PHACTR3: variants seen among roughly 807,000 people sequenced by gnomAD.
PHACTR3 encodes protein phosphatase 1, regulatory subunit 123.
A neutral mutation model predicts 66.8 loss-of-function variants in PHACTR3; 16 were observed. The observed-to-expected ratio is 0.24, with a 90% CI of 0.16 to 0.36. The LOEUF (loss-of-function observed/expected upper bound fraction) is 0.36, where lower values mean the gene tolerates loss of function less well. Among genes scored for constraint, PHACTR3 ranks in the 10% least tolerant of loss-of-function variants. PHACTR3 has a pLI of 1.00. For missense variants in PHACTR3, 647 were observed against 719.9 expected (o/e 0.90, Z 1.16); for synonymous variants, 323 against 292.1 (o/e 1.11, Z -1.08).
chr20:59,772,455 G>T (rs1019740699), intron 5 of PHACTR3, among the ~76,000 whole-genome samples: 1 of 152,184 alleles, frequency 6.6e-6, no homozygotes, highest in African/African-American at 2.4e-5. Flanking sequence ...AAAGTGTCAG[G>T]GCAGGCTCAG....
intron 1 of PHACTR3, among the ~76,000 whole-genome samples, chr20:59,592,912 G>T (rs563999357): frequency 4.9e-4 from 75 of 152,148 alleles, no homozygotes; most frequent in African/African-American, 1.7e-3. Context: ...AGGACATCTT[G>T]GTTGCTTCCA....
At chr20:59,634,602 T>C (rs2034781843) in intron 1 of PHACTR3, among the ~76,000 whole-genome samples, 1 of 152,158 alleles carries the variant, frequency 6.6e-6, no homozygotes, top group Admixed American at 6.5e-5. Context: ...CCAGAAAAAT[T>C]TCCCGGTCTA....
At chr20:59,730,662 G>A (rs1334752129) in intron 1 of PHACTR3, among the ~76,000 whole-genome samples, 1 of 152,050 alleles carries the variant, frequency 6.6e-6, no homozygotes, top group African/African-American at 2.4e-5. Flanking sequence ...TTTCTTCTTG[G>A]GGCACCCAGT....
chr20:59,590,653 G>A (rs553815333), intron 1 of PHACTR3, among the ~76,000 whole-genome samples: 76 of 152,264 alleles, frequency 5.0e-4, no homozygotes, highest in African/African-American at 1.8e-3. Context: ...ACTGGTTCCT[G>A]TCTTAGACTT....
intron 1 of PHACTR3, among the ~76,000 whole-genome samples, chr20:59,620,019 G>A (rs567437729): frequency 6.6e-6 from 1 of 152,114 alleles, no homozygotes; most frequent in Non-Finnish European, 1.5e-5. Flanking sequence ...TGGCACACAG[G>A]ACCTGGAGGG....
chr20:59,815,170 C>T (rs2041848832), intron 8 of PHACTR3, among the ~76,000 whole-genome samples: 1 of 152,176 alleles, frequency 6.6e-6, no homozygotes, highest in African/African-American at 2.4e-5. Context: ...GTGGTGTACA[C>T]ATGAGGAGGG....
intron 7 of PHACTR3, among the ~76,000 whole-genome samples, chr20:59,805,210 C>A (rs1240011096): frequency 2.0e-5 from 3 of 152,226 alleles, no homozygotes; most frequent in Non-Finnish European, 2.9e-5. Context: ...ACATTCCATT[C>A]CCTAATACCT....
Position 59,737,554 on chromosome 20 carries a change from GTC to G in PHACTR3, c.119-5549_119-5548del, listed in dbSNP as rs369144791. 2.3e-4 allele frequency among the ~76,000 whole-genome samples: 35 copies of G among 152,062 alleles called. No individual in the cohort carries two copies. The East Asian group carries it at 6.0e-3, about 26-fold the overall frequency. ...TGTGTGCGTGCATGTGCATGTGTGT[GTC>G]TCTGTGTGCATGTGTGTGTGCGTGT... is the stretch of plus-strand genomic sequence containing the variant. On this transcript the variant is annotated intron_variant, in intron 1 of 12. Transcript: ENST00000371015.
At chr20:59,821,049 ACATGTATGAAACC>A (rs917622683) in intron 8 of PHACTR3, among the ~76,000 whole-genome samples, 6 of 152,182 alleles carry the variant, frequency 3.9e-5, no homozygotes, top group Non-Finnish European at 8.8e-5. Context: ...TAGCTCACTA[ACATGTATGAAACC>A]CATGTTATGT....
At chr20:59,762,029 C>T (rs1601294513) in intron 4 of PHACTR3, among the ~76,000 whole-genome samples, 1 of 152,330 alleles carries the variant, frequency 6.6e-6, no homozygotes, top group East Asian at 1.9e-4. Context: ...GGTGGCTGCA[C>T]ACTCACGTGA....
chr20:59,696,929 G>T (rs2037319613), intron 1 of PHACTR3, among the ~76,000 whole-genome samples: 1 of 152,226 alleles, frequency 6.6e-6, no homozygotes, highest in Non-Finnish European at 1.5e-5. Flanking sequence ...TTGCCTGGGG[G>T]ATGGAGACTG....
At chr20:59,723,058 TTCTCTTTCTTTCTTTCTTTC>T (rs2038388076) in intron 1 of PHACTR3, among the ~76,000 whole-genome samples, 1 of 124,896 alleles carries the variant, frequency 8.0e-6, no homozygotes, top group African/African-American at 3.1e-5. Context: ...CTTTCTTTCT[TTCTCTTTCTTTCTTTCTTTC>T]TTTCTTTCTT....
intron 7 of PHACTR3, among the ~76,000 whole-genome samples, chr20:59,785,901 T>TGCATCCCCTGCC (rs1555841781): frequency 5.2e-3 from 18 of 3,452 alleles, no homozygotes; most frequent in Middle Eastern, 0.083. Flanking sequence ...CCAACGGCCC[T>TGCATCCCCTGCC]CTGCATCCCC....
chr20:59,721,378 T>TC (rs1423015837), intron 1 of PHACTR3: 2 of 152,114 alleles, frequency 1.3e-5, no homozygotes, highest in Admixed American at 6.6e-5. Context: ...CGCCTGTCTC[T>TC]CCCCCTGGAA....
intron 7 of PHACTR3, among the ~76,000 whole-genome samples, chr20:59,783,442 G>T (rs551189613): frequency 1.4e-5 from 1 of 69,984 alleles, no homozygotes; most frequent in South Asian, 5.2e-4. Flanking sequence ...GCCCCACCCC[G>T]GCCCTTTTTT....
At chr20:59,844,320 A>T (rs2059114940) in intron 11 of PHACTR3, 1 of 152,126 alleles carries the variant, frequency 6.6e-6, no homozygotes, top group Non-Finnish European at 1.5e-5. Flanking sequence ...TATACACGCA[A>T]AGGAAATCAA....
At chr20:59,601,794 C>T (rs2033485992), upstream of PHACTR3, among the ~76,000 whole-genome samples, 1 of 152,196 alleles carries the variant, frequency 6.6e-6, no homozygotes, top group Non-Finnish European at 1.5e-5. Flanking sequence ...GCTCTACCTA[C>T]CTTTAACAAA....
intron 8 of PHACTR3, among the ~76,000 whole-genome samples, chr20:59,818,138 C>T (rs913117503): frequency 3.9e-5 from 6 of 152,158 alleles, no homozygotes; most frequent in South Asian, 2.1e-4. Flanking sequence ...CTAAGGAAGC[C>T]GCACAGTGCA....
intron 8 of PHACTR3, among the ~76,000 whole-genome samples, chr20:59,835,414 C>T (rs1256831307): frequency 6.6e-6 from 1 of 152,072 alleles, no homozygotes. Flanking sequence ...AGTGGCTGAG[C>T]CCCGCAATGC....
Sources: allele counts gnomAD v4.1 joint callset (sites outside exome capture counted in the v4.1 genomes callset), GRCh38; gene constraint gnomAD v4.1.1; transcripts MANE v1.5; gene names NCBI Gene and HGNC (gene_info 2026-07-23, HGNC 2026-07-21).